The following MDN1 variants were observed in gnomAD, a reference collection of about 807,000 sequenced individuals.
The protein encoded by MDN1 is midasin.
MDN1 carries 266 observed loss-of-function variants against 669.2 expected under a neutral mutation model. The ratio of observed to expected loss-of-function variants is 0.40; its 90% confidence interval spans 0.36 to 0.44. The LOEUF is 0.44. MDN1 is among the 20% of genes least tolerant of loss of function. The pLI is 1.00. For synonymous variants in MDN1, 2,385 were observed against 2,457.1 expected, an observed-to-expected ratio of 0.97 and a Z score of 0.87; for missense variants, 5,940 against 6,754.0, an observed-to-expected ratio of 0.88 and a Z score of 4.22.
At chr6:89,744,122 A>AAAAAAC (rs1816455993) in intron 29 of MDN1, among the ~76,000 whole-genome samples, 2 of 122,576 alleles carry the variant, frequency 1.6e-5, no homozygotes, top group Non-Finnish European at 3.4e-5. Flanking sequence ...AAAAAAAAAA[A>AAAAAAC]AAAAAAAAAC....
intron 35 of MDN1, among the ~76,000 whole-genome samples, chr6:89,729,401 C>T (rs1014262724): frequency 6.6e-6 from 1 of 152,208 alleles, no homozygotes. Context: ...CATGTACATG[C>T]AAACACACAC....
At chr6:89,696,300 G>C in intron 60 of MDN1, 60 bp downstream of exon 60, 1 of 1,522,078 alleles carries the variant, frequency 6.6e-7, no homozygotes, top group Non-Finnish European at 9.1e-7. Flanking sequence ...CTGGGTCTCT[G>C]CTCCATGCTG....
rs776654491 is a variant in MDN1, at chr6:89,655,780, G to A, written c.15474C>T (p.Tyr5158=). Residue 5158 remains tyrosine, a synonymous_variant, in exon 92 of 102, where the codon TAC becomes TAT. Transcript: ENST00000369393. ...GGACCGTACCATAGGTCTGTGCATCGTATGCGTCACTGCCTTGTTTAATGT... is the reference window on the plus strand; with the variant it reads ...GGACCGTACCATAGGTCTGTGCATCATATGCGTCACTGCCTTGTTTAATGT... ...FEHIKQGSDA[Y]DAQTYDVASK... is the part of the protein sequence containing the mutation. 64 of 1,609,066 alleles carry A rather than the reference G, an allele frequency of 4.0e-5. No individual in the cohort carries two copies. In the Admixed American group the frequency reaches 6.2e-4, roughly 16 times the overall value.
intron 1 of MDN1, among the ~76,000 whole-genome samples, chr6:89,813,214 G>A (rs1428092572): frequency 1.3e-5 from 2 of 152,154 alleles, no homozygotes; most frequent in Non-Finnish European, 2.9e-5. Context: ...TGCTGGTACA[G>A]GCCTGAGCCA....
chr6:89,701,882 T>C (rs1562112075), intron 54 of MDN1, 22 bp downstream of exon 54: 1 of 1,600,722 alleles, frequency 6.2e-7, no homozygotes, highest in Admixed American at 1.8e-5. Context: ...ATTGACATTA[T>C]TACTCTAAAT....
chr6:89,758,708 C>T, intron 18 of MDN1, 108 bp downstream of exon 18: 1 of 1,200,110 alleles, frequency 8.3e-7, no homozygotes, highest in Non-Finnish European at 1.2e-6. Context: ...TGAACAAATT[C>T]CATTGGGAGG....
chr6:89,674,242 C>G lies in MDN1; in HGVS notation c.13109G>C (p.Gly4370Ala). ...SPIPGSQLPS[G>A]CRMRKQDHLW... ...GTGATCCTGTTTCCGCATCCGGCAA[C>G]CAGAGGGCAGCTGACTTCCAGGTAT... The change falls in exon 79 of 102, where the codon GGT becomes GCT. Residue 4370 changes from glycine to alanine, a missense_variant. Physicochemically the swap from Gly to Ala is moderately conservative, Grantham distance 60 (BLOSUM62 0). Around this residue, in one of 5 missense-constraint regions of MDN1, gnomAD observed 2,280 missense variants for 2,576.3 expected, o/e 0.88. Coordinates refer to ENST00000369393, the MANE Select transcript of MDN1 (RefSeq NM_014611.3). 5 of 1,614,200 alleles carry G rather than the reference C, an allele frequency of 3.1e-6. No individual in the cohort carries two copies. The highest frequency in any genetic ancestry group is 4.2e-6 in the Non-Finnish European group (5 of 1,180,040).
intron 32 of MDN1, 85 bp downstream of exon 32, chr6:89,740,149 A>G: frequency 7.0e-7 from 1 of 1,438,264 alleles, no homozygotes; most frequent in Non-Finnish European, 9.4e-7. Context: ...TAAAATTCCA[A>G]ATCCATTATT....
At chr6:89,798,882 G>A (rs2128328253) in intron 2 of MDN1, among the ~76,000 whole-genome samples, 1 of 152,292 alleles carries the variant, frequency 6.6e-6, no homozygotes, top group Non-Finnish European at 1.5e-5. Flanking sequence ...AGGACCTTTA[G>A]CTTCCTACCA....
rs1282791719 is a variant in MDN1, at chr6:89,748,482, A to G, written c.3762+741T>C. Among the ~76,000 whole-genome samples, 4 of 152,284 alleles carry G rather than the reference A, an allele frequency of 2.6e-5. No homozygotes were observed. In the South Asian group the frequency reaches 8.3e-4, roughly 32 times the overall value. ...TGATAAAGAAAACTTTTAACCCCAT[A>G]AGATAAATGGAATTTTTAAAGATCA... On this transcript the variant is annotated intron_variant, in intron 26 of 101. Transcript: ENST00000369393.
At chr6:89,758,394 T>C in intron 18 of MDN1, 43 bp from the exon 19 acceptor site, 2 of 1,507,098 alleles carry the variant, frequency 1.3e-6, no homozygotes, top group Admixed American at 1.9e-5. Flanking sequence ...GGTATGATTA[T>C]CTAATTCCAC....
intron 1 of MDN1, chr6:89,815,287 T>C (rs1768746240): frequency 4.2e-6 from 2 of 472,976 alleles, no homozygotes; most frequent in African/African-American, 4.0e-5. Context: ...CTAGCACCTA[T>C]GGGGAGCAGG....
chr6:89,679,622 G>C (rs1340207342), intron 74 of MDN1, among the ~76,000 whole-genome samples: 1 of 152,224 alleles, frequency 6.6e-6, no homozygotes, highest in African/African-American at 2.4e-5. Flanking sequence ...GTGACCACGG[G>C]AGGACACAGT....
intron 97 of MDN1, among the ~76,000 whole-genome samples, chr6:89,648,967 C>T (rs1305506809): frequency 1.4e-5 from 2 of 144,220 alleles, no homozygotes; most frequent in Non-Finnish European, 3.0e-5. Context: ...CCAGCCTAAG[C>T]AACAGAGCAA....
At chr6:89,731,537 C>A (rs943667555) in intron 34 of MDN1, among the ~76,000 whole-genome samples, 1 of 151,928 alleles carries the variant, frequency 6.6e-6, no homozygotes, top group African/African-American at 2.4e-5. Context: ...CATGTTCTCA[C>A]TCATAAGTGG....
At chr6:89,763,331 G>A (rs1465836302) in intron 15 of MDN1, among the ~76,000 whole-genome samples, 6 of 92,388 alleles carry the variant, frequency 6.5e-5, no homozygotes, top group Non-Finnish European at 1.4e-4. Context: ...GGTAGGGCAC[G>A]CAAAAAAAAA....
intron 56 of MDN1, 79 bp from the exon 57 acceptor site, chr6:89,700,373 G>T: frequency 8.9e-7 from 1 of 1,129,418 alleles, no homozygotes; most frequent in African/African-American, 1.5e-5. Context: ...CCTGCTATGT[G>T]ACTGCAAGCT....
At chr6:89,663,786 AAAAG>A (rs1288434662) in intron 85 of MDN1, among the ~76,000 whole-genome samples, 2 of 151,926 alleles carry the variant, frequency 1.3e-5, no homozygotes, top group African/African-American at 4.8e-5. Context: ...TACAAAAAAA[AAAAG>A]AATCAGCTGG....
At chr6:89,689,039 GC>G (rs1178704386) in intron 65 of MDN1, among the ~76,000 whole-genome samples, 1 of 152,154 alleles carries the variant, frequency 6.6e-6, no homozygotes, top group Non-Finnish European at 1.5e-5. Flanking sequence ...ACATGCATGT[GC>G]CTGTAATCCC....
Sources: gnomAD v4.1 joint callset for allele counts (sites outside exome capture counted in the v4.1 genomes callset) on GRCh38, gnomAD v4.1.1 for gene constraint, gnomAD v4.1.1 regional missense constraint, MANE v1.5 for transcripts, NCBI Gene and HGNC (gene_info 2026-07-23, HGNC 2026-07-21) for gene names.